Variants in KCTD8 observed in about 807,000 individuals in gnomAD.
KCTD8 encodes potassium channel tetramerization domain containing 8.
KCTD8 carries 27 observed loss-of-function variants against 31.5 expected under a neutral mutation model. The ratio of observed to expected loss-of-function variants is 0.86; its 90% CI spans 0.63 to 1.18. KCTD8 has a LOEUF of 1.18. Ranked by LOEUF, KCTD8 falls within the 50% of genes most tolerant of loss-of-function variation. The pLI is 0.00. For missense variants in KCTD8, 658 were observed against 647.7 expected (o/e 1.02, Z -0.17); for synonymous variants, 290 against 280.0 (o/e 1.04, Z -0.36).
chr4:44,384,336 C>A (rs547243525), intron 1 of KCTD8, among the ~76,000 whole-genome samples: 8 of 151,860 alleles, frequency 5.3e-5, no homozygotes, highest in Admixed American at 4.6e-4. Context: ...ATGCCTGAGA[C>A]TTCCACATTC....
intron 1 of KCTD8, among the ~76,000 whole-genome samples, chr4:44,284,807 CA>C (rs1560415403): frequency 2.6e-5 from 4 of 152,076 alleles, no homozygotes; most frequent in African/African-American, 9.7e-5. Context: ...AAAAAATGGG[CA>C]AAGGTTATGA....
chr4:44,317,220 G>A (rs1718155957), intron 1 of KCTD8, among the ~76,000 whole-genome samples: 1 of 97,116 alleles, frequency 1.0e-5, no homozygotes, highest in Non-Finnish European at 2.0e-5. Context: ...ATTGCCTATG[G>A]GTGCTTTCTT....
chr4:44,289,664 C>T (rs1717211388), intron 1 of KCTD8, among the ~76,000 whole-genome samples: 1 of 152,140 alleles, frequency 6.6e-6, no homozygotes, highest in South Asian at 2.1e-4. Context: ...CCCACAACCC[C>T]CATAGACATT....
At chr4:44,274,363 G>T (rs1716694664) in intron 1 of KCTD8, among the ~76,000 whole-genome samples, 1 of 151,796 alleles carries the variant, frequency 6.6e-6, no homozygotes, top group Non-Finnish European at 1.5e-5. Flanking sequence ...AAAAGTAATT[G>T]CAGTTTTTGC....
rs1250134892 is a variant in KCTD8, at chr4:44,410,614, C to T, written c.961+36949G>A. ...CAGAGGCTTAACTGGACTTACAGTT[C>T]CACATGGCTGCAGAGGTCTCACAAT... On this transcript the variant is annotated intron_variant, in intron 1 of 1. Coordinates refer to ENST00000360029, the MANE Select transcript of KCTD8 (RefSeq NM_198353.3). Among the ~76,000 whole-genome samples the T allele has an allele frequency of 3.3e-5, 5 of 152,242 alleles. No individual in the cohort carries two copies. The East Asian group carries it at 7.7e-4, about 24-fold the overall frequency.
intron 1 of KCTD8, among the ~76,000 whole-genome samples, chr4:44,267,840 C>T (rs951366917): frequency 1.3e-5 from 2 of 152,074 alleles, no homozygotes; most frequent in African/African-American, 4.8e-5. Context: ...AAGACTAAAC[C>T]AGGAAGAAGT....
chr4:44,177,681 C>A (rs753870647), intron 1 of KCTD8, among the ~76,000 whole-genome samples: 1 of 152,190 alleles, frequency 6.6e-6, no homozygotes, highest in Admixed American at 6.5e-5. Context: ...TCCTCCTTGC[C>A]TTCTGTCATA....
At chr4:44,363,588 T>C (rs1460763531) in intron 1 of KCTD8, among the ~76,000 whole-genome samples, 1 of 152,162 alleles carries the variant, frequency 6.6e-6, no homozygotes, top group Non-Finnish European at 1.5e-5. Context: ...TTGCACCAAC[T>C]TGAGAGTAGT....
At chr4:44,307,084 G>A (rs776298709) in intron 1 of KCTD8, among the ~76,000 whole-genome samples, 13 of 151,884 alleles carry the variant, frequency 8.6e-5, no homozygotes, top group Admixed American at 3.3e-4. Flanking sequence ...AGTAATAAAG[G>A]AGCAGAATTA....
intron 1 of KCTD8, among the ~76,000 whole-genome samples, chr4:44,353,957 A>C (rs1490038227): frequency 1.3e-5 from 2 of 152,116 alleles, no homozygotes; most frequent in Non-Finnish European, 2.9e-5. Context: ...GATTGCTCCA[A>C]CCATTGGAAT....
At chr4:44,427,424 G>C (rs191955521) in intron 1 of KCTD8, among the ~76,000 whole-genome samples, 104 of 151,014 alleles carry the variant, frequency 6.9e-4, no homozygotes, top group African/African-American at 2.5e-3. Flanking sequence ...ATATTAGAAG[G>C]GAAAGAATAA....
chr4:44,298,478 C>T (rs1335805108), intron 1 of KCTD8, among the ~76,000 whole-genome samples: 5 of 151,218 alleles, frequency 3.3e-5, no homozygotes, highest in Admixed American at 3.3e-4. Context: ...GAGAAGAAAG[C>T]ACCATCACCA....
At chr4:44,258,115 A>G (rs1159077101) in intron 1 of KCTD8, among the ~76,000 whole-genome samples, 1 of 152,060 alleles carries the variant, frequency 6.6e-6, no homozygotes, top group Non-Finnish European at 1.5e-5. Flanking sequence ...CTATTAGGAA[A>G]TCAGATGCTA....
chr4:44,303,694 T>C (rs929543045), intron 1 of KCTD8, among the ~76,000 whole-genome samples: 1 of 151,928 alleles, frequency 6.6e-6, no homozygotes, highest in Admixed American at 6.6e-5. Flanking sequence ...TGTGCTCCTG[T>C]AGTCCCAGTT....
intron 1 of KCTD8, among the ~76,000 whole-genome samples, chr4:44,380,404 C>T (rs901985254): frequency 5.6e-4 from 82 of 146,306 alleles, no homozygotes; most frequent in African/African-American, 2.0e-3. Context: ...TATTGGCAAG[C>T]GAGACTCCAT....
intron 1 of KCTD8, among the ~76,000 whole-genome samples, chr4:44,403,333 T>C (rs1216507499): frequency 6.6e-6 from 1 of 151,818 alleles, no homozygotes; most frequent in African/African-American, 2.4e-5. Flanking sequence ...ACTAGAGGAA[T>C]GGCTAAATTA....
intron 1 of KCTD8, among the ~76,000 whole-genome samples, chr4:44,395,704 G>A (rs973987807): frequency 2.0e-5 from 3 of 152,058 alleles, no homozygotes; most frequent in Non-Finnish European, 4.4e-5. Flanking sequence ...TGCAAAAAAT[G>A]TTCGTACTTT....
Position 44,429,478 on chromosome 4 carries a change from C to T in KCTD8, c.961+18085G>A, listed in dbSNP as rs924050442. ...AAAATAGTGGAGACCATTGAAGGGGCTGTTTTGGAGGCATGCTGAGGACAA... is the reference window on the plus strand; with the variant it reads ...AAAATAGTGGAGACCATTGAAGGGGTTGTTTTGGAGGCATGCTGAGGACAA... On this transcript the variant is annotated intron_variant, in intron 1 of 1. Transcript: ENST00000360029. 3.3e-5 allele frequency among the ~76,000 whole-genome samples: 5 copies of T among 151,680 alleles called. No individual in the cohort carries two copies. The Admixed American group carries it at 3.3e-4, about 10-fold the overall frequency.
intron 1 of KCTD8, among the ~76,000 whole-genome samples, chr4:44,307,590 C>T (rs541431471): frequency 6.6e-6 from 1 of 151,770 alleles, no homozygotes; most frequent in South Asian, 2.1e-4. Context: ...AAAATGTGAG[C>T]TTTTATTTCT....
Sources: allele counts gnomAD v4.1 joint callset (sites outside exome capture counted in the v4.1 genomes callset), GRCh38; gene constraint gnomAD v4.1.1; transcripts MANE v1.5; gene names NCBI Gene and HGNC (gene_info 2026-07-23, HGNC 2026-07-21).